The following TENM4 variants were observed in gnomAD, a reference collection of about 807,000 sequenced individuals.
TENM4 encodes the protein teneurin transmembrane protein 4.
TENM4 carries 82 observed loss-of-function variants against 243.3 expected under a neutral mutation model. That is an observed-to-expected ratio of 0.34 (90% CI 0.28 to 0.40). The LOEUF (loss-of-function observed/expected upper bound fraction) is 0.40. Among genes scored for constraint, TENM4 ranks in the 10% least tolerant of loss-of-function variants. TENM4 has a pLI of 1.00. For missense variants in TENM4, 3,138 were observed against 3,673.3 expected, an observed-to-expected ratio of 0.85 and a Z score of 3.77; for synonymous variants, 1,412 against 1,456.3, an observed-to-expected ratio of 0.97 and a Z score of 0.69.
chr11:78,834,962 T>A (rs1467044995), intron 12 of TENM4, among the ~76,000 whole-genome samples: 1 of 152,202 alleles, frequency 6.6e-6, no homozygotes, highest in East Asian at 1.9e-4. Context: ...GGGCTCAGCA[T>A]TCCGTGTCTC....
In TENM4 at chr11:79,397,798, A is replaced by AT. The variant is rs1287610644; in HGVS notation, c.-321+42710dup. On this transcript the variant is annotated intron_variant, in intron 1 of 33. Transcript: ENST00000278550. ...CCCAAAACTTAGGGCAGTTTGTATGATTTTTCCCCCTCCTTTCTTCTGGGG... is the reference window on the plus strand; with the variant it reads ...CCCAAAACTTAGGGCAGTTTGTATGATTTTTTCCCCCTCCTTTCTTCTGGGG... 3.3e-5 allele frequency among the ~76,000 whole-genome samples: 5 copies of AT among 152,226 alleles called. No homozygotes were observed. The East Asian group carries it at 5.8e-4, about 18-fold the overall frequency.
chr11:78,670,607 G>A (rs1292130554), intron 31 of TENM4, 56 bp from the exon 32 acceptor site: 26 of 1,507,832 alleles, frequency 1.7e-5, no homozygotes, highest in Non-Finnish European at 2.2e-5. Flanking sequence ...GAAAGGGTAG[G>A]TCTACATACC....
chr11:79,402,269 T>C (rs929195783), intron 1 of TENM4, among the ~76,000 whole-genome samples: 2 of 152,120 alleles, frequency 1.3e-5, no homozygotes, highest in Admixed American at 6.6e-5. Flanking sequence ...TTATTATATT[T>C]TTACATAATG....
intron 19 of TENM4, among the ~76,000 whole-genome samples, chr11:78,752,009 A>G (rs1856201179): frequency 6.6e-6 from 1 of 152,186 alleles, no homozygotes; most frequent in South Asian, 2.1e-4. Context: ...GTGGTATTCA[A>G]ACCACTTAAT....
chr11:79,369,532 A>AT, intron 1 of TENM4, among the ~76,000 whole-genome samples: 2 of 152,310 alleles, frequency 1.3e-5, no homozygotes, highest in Middle Eastern at 6.8e-3. Context: ...CACTCAAACA[A>AT]TTGATAGCCA....
chr11:78,654,764 C>G lies in TENM4; in HGVS notation c.*3294G>C, dbSNP rs897611822. ...GCAGTAATTTACCTGCATGCCTTCC[C>G]CTTCCTCCAGTCTGCCCTCCAGCAA... On this transcript the variant is annotated 3_prime_UTR_variant, in exon 34 of 34. Transcript: ENST00000278550. 1 of 152,128 alleles carries G rather than the reference C, an allele frequency of 6.6e-6. No individual in the cohort carries two copies. Among genetic ancestry groups the G allele is most frequent in the Non-Finnish European group, 1.5e-5 (1 of 68,036 alleles). 9.4% of individuals were successfully genotyped at this position (152,128 alleles called of 1,614,324 possible).
Position 78,771,038 on chromosome 11 carries a change from G to A in TENM4, c.2493C>T (p.Asp831=). The A allele has an allele frequency of 1.9e-6, 3 of 1,582,576 alleles. No individual in the cohort carries two copies. The highest frequency in any genetic ancestry group is 2.6e-6 in the Non-Finnish European group (3 of 1,164,300). The change falls in exon 18 of 34, where the codon GAC becomes GAT. Residue 831 remains aspartate, a synonymous_variant. Transcript: ENST00000278550. ...CQLGWRGAGC[D]TSMETACGDS... The stretch of plus-strand genomic sequence containing the variant: ...CACCGCAGGCAGTCTCCATGGAAGT[G>A]TCACAGCCAGCTCCTCTCCAGCCCA...
intron 3 of TENM4, among the ~76,000 whole-genome samples, chr11:79,188,773 T>C (rs1863422956): frequency 1.3e-5 from 2 of 152,052 alleles, no homozygotes; most frequent in African/African-American, 2.4e-5. Flanking sequence ...TCCACACTTG[T>C]CCAGGCAGGG....
intron 1 of TENM4, among the ~76,000 whole-genome samples, chr11:79,408,519 A>G (rs1198357563): frequency 6.6e-6 from 1 of 152,244 alleles, no homozygotes; most frequent in Non-Finnish European, 1.5e-5. Context: ...GATTACATTA[A>G]ACAAGAATAT....
Position 78,891,298 on chromosome 11 carries a change from T to A in TENM4, c.788A>T (p.Asp263Val), listed in dbSNP as rs550281558. ...GKQPFLGTLQ[D>V]NLIEMDILGA... ...GAGAATGTCCATCTCAATGAGGTTG[T>A]CCTGCAATGTCCCTAGGAATGGCTG... The change falls in exon 8 of 34, where the codon GAC becomes GTC. Residue 263 changes from aspartate to valine, a missense_variant. Around this residue, in one of 2 missense-constraint regions of TENM4, gnomAD observed 671 missense variants for 614.1 expected, o/e 1.09. Coordinates refer to ENST00000278550, the MANE Select transcript of TENM4 (RefSeq NM_001098816.3). The A allele has an allele frequency of 6.4e-7, 1 of 1,551,680 alleles. No individual in the cohort carries two copies. Among genetic ancestry groups the A allele is most frequent in the African/African-American group, 1.4e-5 (1 of 73,166 alleles).
At chr11:78,856,712 T>TG (rs1192455255) in intron 10 of TENM4, among the ~76,000 whole-genome samples, 1 of 132,226 alleles carries the variant, frequency 7.6e-6, no homozygotes, top group Non-Finnish European at 1.6e-5. Flanking sequence ...GATATGTGGA[T>TG]GGGGGGTTGT....
chr11:79,325,583 C>T (rs1565300241), intron 1 of TENM4, among the ~76,000 whole-genome samples: 2 of 152,122 alleles, frequency 1.3e-5, no homozygotes, highest in African/African-American at 2.4e-5. Context: ...GCCTCTCTGT[C>T]GAGATTAACT....
rs376037820 is a variant in TENM4, at chr11:78,959,843, G to C, written c.494-56320C>G. The stretch of plus-strand genomic sequence containing the variant: ...AGTGATTGCTCTTGTTCACTAATTT[G>C]CAAAGGAAGAGATTAAGGACTTTAA... On this transcript the variant is annotated intron_variant, in intron 6 of 33. Transcript: ENST00000278550. Among the ~76,000 whole-genome samples the C allele has an allele frequency of 1.6e-4, 25 of 152,206 alleles. No individual in the cohort carries two copies. In the South Asian group the frequency reaches 4.4e-3, roughly 27 times the overall value.
At chr11:79,241,232 T>C (rs1864582659) in intron 2 of TENM4, among the ~76,000 whole-genome samples, 1 of 151,898 alleles carries the variant, frequency 6.6e-6, no homozygotes, top group African/African-American at 2.4e-5. Context: ...AAGAAAGCAA[T>C]GAATGAATCT....
intron 4 of TENM4, among the ~76,000 whole-genome samples, chr11:79,104,599 C>T (rs1861316487): frequency 6.6e-6 from 1 of 152,212 alleles, no homozygotes; most frequent in Non-Finnish European, 1.5e-5. Flanking sequence ...ATTGATTTAA[C>T]CGGACCCTGC....
At chr11:79,402,344 T>C (rs544066990) in intron 1 of TENM4, among the ~76,000 whole-genome samples, 1 of 152,234 alleles carries the variant, frequency 6.6e-6, no homozygotes, top group Non-Finnish European at 1.5e-5. Context: ...CAACATATTC[T>C]TCAATTAACA....
intron 3 of TENM4, among the ~76,000 whole-genome samples, chr11:79,151,565 C>T (rs1253229093): frequency 6.6e-6 from 1 of 152,144 alleles, no homozygotes; most frequent in Admixed American, 6.6e-5. Flanking sequence ...CAAGGACAGT[C>T]ATCCATGGGA....
At chr11:79,120,802 T>C (rs1861729617) in intron 4 of TENM4, among the ~76,000 whole-genome samples, 1 of 152,230 alleles carries the variant, frequency 6.6e-6, no homozygotes, top group Non-Finnish European at 1.5e-5. Flanking sequence ...ACCACTACCA[T>C]AATAACTTAC....
intron 32 of TENM4, among the ~76,000 whole-genome samples, chr11:78,662,093 A>C (rs1282221234): frequency 6.6e-6 from 1 of 151,852 alleles, no homozygotes; most frequent in African/African-American, 2.4e-5. Flanking sequence ...CACGGGTTAC[A>C]GAGATGGCCT....
Sources: allele counts gnomAD v4.1 joint callset (sites outside exome capture counted in the v4.1 genomes callset), GRCh38; gene constraint gnomAD v4.1.1; regional missense constraint gnomAD v4.1.1; transcripts MANE v1.5; gene names NCBI Gene and HGNC (gene_info 2026-07-23, HGNC 2026-07-21).